PHF21A: variants seen among roughly 807,000 people sequenced by gnomAD.
The protein encoded by PHF21A is BHC80a.
PHF21A carries 11 observed loss-of-function variants against 82.5 expected under a neutral mutation model. The ratio of observed to expected loss-of-function variants is 0.13; its 90% CI spans 0.08 to 0.22. The LOEUF is 0.22. PHF21A is among the 10% of genes least tolerant of loss of function. The probability of loss-of-function intolerance (pLI) is 1.00; values close to 1 mark genes in which losing one functional copy is unlikely to be tolerated. For synonymous variants in PHF21A, 297 were observed against 302.8 expected, an observed-to-expected ratio of 0.98 and a Z score of 0.20; for missense variants, 579 against 837.8, an observed-to-expected ratio of 0.69 and a Z score of 3.81.
intron 3 of PHF21A, among the ~76,000 whole-genome samples, chr11:46,085,194 T>C (rs1044911266): frequency 6.6e-6 from 1 of 152,338 alleles, no homozygotes; most frequent in Non-Finnish European, 1.5e-5. Flanking sequence ...ATAACTGTAC[T>C]ATCCACGAAC....
intron 6 of PHF21A, among the ~76,000 whole-genome samples, chr11:46,038,525 C>T (rs147006277): frequency 1.3e-5 from 2 of 152,078 alleles, no homozygotes; most frequent in Admixed American, 6.5e-5. Context: ...GTGTGATTAT[C>T]TTTATTAGTT....
intron 7 of PHF21A, among the ~76,000 whole-genome samples, chr11:45,978,694 G>T (rs927790459): frequency 1.3e-5 from 2 of 152,142 alleles, no homozygotes; most frequent in Non-Finnish European, 2.9e-5. Context: ...TTCTGGAGAG[G>T]GATCTATAGC....
chr11:45,983,928 T>C (rs1175644835), intron 6 of PHF21A, among the ~76,000 whole-genome samples: 1 of 152,208 alleles, frequency 6.6e-6, no homozygotes, highest in Non-Finnish European at 1.5e-5. Context: ...GCCTATATTT[T>C]TACTACTATG....
chr11:45,946,416 C>CT (rs1156577303), intron 14 of PHF21A, among the ~76,000 whole-genome samples: 17 of 152,312 alleles, frequency 1.1e-4, no homozygotes, highest in Admixed American at 1.1e-3. Flanking sequence ...CGGAATCTCG[C>CT]TCTGTCACCC....
Position 46,079,140 on chromosome 11 carries a change from A to G in PHF21A, c.81T>C (p.Asp27=). The G allele has an allele frequency of 6.3e-7, 1 of 1,585,314 alleles. No homozygotes were observed. Among genetic ancestry groups the G allele is most frequent in the Non-Finnish European group, 8.6e-7 (1 of 1,159,642 alleles). ...ATAACAATAGTAGTTTTACCTGTGGATCCTGCTTCATTTGAGCAACCAGTT... is the reference window on the plus strand; with the variant it reads ...ATAACAATAGTAGTTTTACCTGTGGGTCCTGCTTCATTTGAGCAACCAGTT... ...HQKLVAQMKQ[D]PQNADLKKQL... The change falls in exon 5 of 19, where the codon GAT becomes GAC. Residue 27 remains aspartate, a synonymous_variant. Transcript: ENST00000676320.
chr11:46,046,281 G>A (rs760113994), intron 6 of PHF21A, among the ~76,000 whole-genome samples: 4 of 152,112 alleles, frequency 2.6e-5, no homozygotes, highest in Non-Finnish European at 5.9e-5. Context: ...AATAGCACTG[G>A]GGCCATCCTC....
intron 6 of PHF21A, among the ~76,000 whole-genome samples, chr11:46,003,806 C>G (rs1369222219): frequency 6.6e-6 from 1 of 152,176 alleles, no homozygotes; most frequent in Non-Finnish European, 1.5e-5. Context: ...AGACATTTGC[C>G]CTTCATCAAT....
intron 18 of PHF21A, 93 bp downstream of exon 18, chr11:45,935,543 C>T (rs760904586): frequency 4.2e-5 from 33 of 788,704 alleles, no homozygotes; most frequent in South Asian, 2.8e-4. Flanking sequence ...GGACCCGAAA[C>T]AGCCTGGGGC....
At chr11:46,063,645 A>G (rs1245464958) in intron 6 of PHF21A, among the ~76,000 whole-genome samples, 1 of 152,222 alleles carries the variant, frequency 6.6e-6, no homozygotes, top group African/African-American at 2.4e-5. Context: ...GGATACCCTG[A>G]AGTAATGGCT....
chr11:46,008,596 G>A (rs2095348483), intron 6 of PHF21A, among the ~76,000 whole-genome samples: 1 of 152,088 alleles, frequency 6.6e-6, no homozygotes, highest in Non-Finnish European at 1.5e-5. Context: ...GAAGAGAAAT[G>A]GCAAGATATG....
intron 7 of PHF21A, among the ~76,000 whole-genome samples, chr11:45,978,680 A>G (rs1416866675): frequency 3.3e-5 from 5 of 152,226 alleles, no homozygotes; most frequent in Non-Finnish European, 7.3e-5. Flanking sequence ...GTGAATGTAT[A>G]TTCTTCTGGA....
intron 6 of PHF21A, among the ~76,000 whole-genome samples, chr11:46,006,347 A>G (rs1338830031): frequency 6.6e-6 from 1 of 152,230 alleles, no homozygotes; most frequent in East Asian, 1.9e-4. Flanking sequence ...TGTATATACA[A>G]TTAGGGCAAA....
intron 1 of PHF21A, among the ~76,000 whole-genome samples, chr11:46,101,573 T>C (rs1271838115): frequency 6.6e-6 from 1 of 152,214 alleles, no homozygotes; most frequent in African/African-American, 2.4e-5. Context: ...GTCTCAAATG[T>C]TTTTCTCTAA....
At chr11:46,012,613 G>A (rs1370126523) in intron 6 of PHF21A, among the ~76,000 whole-genome samples, 1 of 152,074 alleles carries the variant, frequency 6.6e-6, no homozygotes, top group East Asian at 1.9e-4. Flanking sequence ...GATTAAATGA[G>A]GTAACATATA....
At chr11:45,991,928 C>T (rs1471254589) in intron 6 of PHF21A, among the ~76,000 whole-genome samples, 2 of 152,138 alleles carry the variant, frequency 1.3e-5, no homozygotes, top group African/African-American at 2.4e-5. Context: ...ATCTCACTCA[C>T]GTGAACATGT....
At chr11:45,934,601 T>C (rs1055015890) in intron 18 of PHF21A, 1 of 232,156 alleles carries the variant, frequency 4.3e-6, no homozygotes, top group African/African-American at 2.3e-5. Context: ...TAGGCAGGTT[T>C]TGATATGCTT....
chr11:45,971,390 A>G, intron 7 of PHF21A, 23 bp from the exon 8 acceptor site: 1 of 1,598,790 alleles, frequency 6.3e-7, no homozygotes, highest in Non-Finnish European at 8.6e-7. Context: ...GAAAACAGAT[A>G]TTAGGACACT....
chr11:46,009,138 C>T (rs1301547081), intron 6 of PHF21A, among the ~76,000 whole-genome samples: 1 of 151,946 alleles, frequency 6.6e-6, no homozygotes, highest in East Asian at 1.9e-4. Flanking sequence ...CCATGCCCAG[C>T]TAATTTTCTG....
At chr11:45,952,322 G>A (rs2135537049) in intron 11 of PHF21A, among the ~76,000 whole-genome samples, 1 of 152,226 alleles carries the variant, frequency 6.6e-6, no homozygotes, top group East Asian at 1.9e-4. Context: ...GCTCGCTGCA[G>A]CCTAGACCTC....
Sources: gnomAD v4.1 joint callset for allele counts (sites outside exome capture counted in the v4.1 genomes callset) on GRCh38, gnomAD v4.1.1 for gene constraint, MANE v1.5 for transcripts, NCBI Gene and HGNC (gene_info 2026-07-23, HGNC 2026-07-21) for gene names.